Variants in TMEM26 observed in about 807,000 individuals in gnomAD.
The protein encoded by TMEM26 is transmembrane protein 26.
Under a neutral mutation model 28.8 loss-of-function variants are expected in TMEM26, and 38 were observed. The observed-to-expected ratio is 1.32, with a 90% CI of 1.02 to 1.73. TMEM26 has a LOEUF of 1.73. Among genes scored for constraint, TMEM26 ranks in the 40% most tolerant of loss-of-function variants. The pLI is 0.00. For missense variants in TMEM26, 518 were observed against 447.1 expected (o/e 1.16, Z -1.43); for synonymous variants, 227 against 182.9 (o/e 1.24, Z -1.95).
intron 4 of TMEM26, among the ~76,000 whole-genome samples, chr10:61,419,420 G>A (rs572499592): frequency 6.6e-6 from 1 of 152,012 alleles, no homozygotes; most frequent in African/African-American, 2.4e-5. Context: ...AAGTTTGATT[G>A]GTTAAAGAAA....
rs139738789 is a variant in TMEM26, at chr10:61,422,654, C to T, written c.605+6272G>A. Among the ~76,000 whole-genome samples, 9 of 151,970 alleles carry T rather than the reference C, an allele frequency of 5.9e-5. No homozygotes were observed. The East Asian group carries it at 1.7e-3, about 29-fold the overall frequency. On this transcript the variant is annotated intron_variant, in intron 4 of 5. Coordinates refer to ENST00000399298, the MANE Select transcript of TMEM26 (RefSeq NM_178505.8). ...ATTTCTGGGTGCAGGCAAAGCAGTG[C>T]TTACAGGAAAATTCACACTTCAGAT...
chr10:61,443,839 T>C (rs1247662365), intron 1 of TMEM26, among the ~76,000 whole-genome samples: 3 of 152,230 alleles, frequency 2.0e-5, no homozygotes, highest in Non-Finnish European at 2.9e-5. Flanking sequence ...CAATTGAAGT[T>C]GTTCACAAAC....
intron 1 of TMEM26, among the ~76,000 whole-genome samples, chr10:61,448,730 G>T (rs1350442695): frequency 6.6e-6 from 1 of 151,788 alleles, no homozygotes; most frequent in African/African-American, 2.4e-5. Context: ...AAAGTAAAAG[G>T]AAATGAGAGA....
At chr10:61,412,721 C>A (rs981771081) in intron 5 of TMEM26, among the ~76,000 whole-genome samples, 6 of 152,062 alleles carry the variant, frequency 3.9e-5, no homozygotes, top group Non-Finnish European at 7.4e-5. Flanking sequence ...GGCAACTGAG[C>A]ACTTGAAAGG....
Position 61,436,170 on chromosome 10 carries a change from C to A in TMEM26, c.270G>T (p.Gln90His). The A allele has an allele frequency of 6.3e-7, 1 of 1,590,392 alleles. No individual in the cohort carries two copies. The highest frequency in any genetic ancestry group is 1.1e-5 in the South Asian group (1 of 89,070). ...ATTCCTACTTTCCAAAAAGAAGTAC[C>A]TGGGTCTCATGGTGCAATTCAAGAA... ...LWLLELHHET[Q>H]YCSIQAEGTS... The change falls in exon 2 of 6, where the codon CAG (glutamine) becomes CAT (histidine). Residue 90 changes from glutamine to histidine, a missense_variant and splice_region_variant. By Grantham distance (24) the Gln-to-His change is conservative. Coordinates refer to ENST00000399298, the MANE Select transcript of TMEM26 (RefSeq NM_178505.8).
At chr10:61,440,718 T>TA (rs1170127756) in intron 1 of TMEM26, among the ~76,000 whole-genome samples, 3 of 152,188 alleles carry the variant, frequency 2.0e-5, no homozygotes, top group Non-Finnish European at 4.4e-5. Flanking sequence ...TCAATATTTA[T>TA]AATTACATAT....
intron 1 of TMEM26, among the ~76,000 whole-genome samples, chr10:61,439,135 T>A (rs1426021495): frequency 6.6e-6 from 1 of 152,238 alleles, no homozygotes; most frequent in Non-Finnish European, 1.5e-5. Flanking sequence ...TATTTTGGAA[T>A]GTTCTTCTCT....
rs549538451 is a variant in TMEM26 at position 61,439,017 on chromosome 10, G to A, written c.192-2769C>T. Among the ~76,000 whole-genome samples, 21 of 152,244 alleles carry A rather than the reference G, an allele frequency of 1.4e-4. 1 individual carries two copies. Among genetic ancestry groups the A allele is most frequent in the Admixed American group, 3.9e-4 (6 of 15,286 alleles). ...TCCTCAGCCTTGTTTAACTAACCAC[G>A]TGTCTCTGGTAAGAACAAAGTGCTC... On this transcript the variant is annotated intron_variant, in intron 1 of 5. Transcript: ENST00000399298.
chr10:61,445,050 T>C (rs773393097), intron 1 of TMEM26, among the ~76,000 whole-genome samples: 2 of 152,222 alleles, frequency 1.3e-5, no homozygotes, highest in Non-Finnish European at 2.9e-5. Flanking sequence ...TGCATTAGCG[T>C]ACTCACCCTA....
chr10:61,428,790 A>G, intron 4 of TMEM26, 136 bp downstream of exon 4: 1 of 737,098 alleles, frequency 1.4e-6, no homozygotes, highest in Non-Finnish European at 2.2e-6. Context: ...AACAGCAGCA[A>G]ATTCTCTGAT....
intron 1 of TMEM26, among the ~76,000 whole-genome samples, chr10:61,444,683 C>T (rs1840151337): frequency 1.3e-5 from 2 of 148,288 alleles, no homozygotes; most frequent in African/African-American, 5.0e-5. Context: ...ACCAACAGAA[C>T]TTTGACCCTT....
At chr10:61,442,958 A>G (rs750980917) in intron 1 of TMEM26, among the ~76,000 whole-genome samples, 6 of 152,168 alleles carry the variant, frequency 3.9e-5, no homozygotes, top group Non-Finnish European at 5.9e-5. Context: ...AAAGCCTCTG[A>G]ATGCCTGGGA....
At chr10:61,428,037 G>A (rs765962155) in intron 4 of TMEM26, among the ~76,000 whole-genome samples, 8 of 152,038 alleles carry the variant, frequency 5.3e-5, no homozygotes, top group Admixed American at 1.3e-4. Context: ...GGTAGCTCAT[G>A]TTTATAAATA....
chr10:61,442,602 C>T (rs192485102), intron 1 of TMEM26, among the ~76,000 whole-genome samples: 51 of 152,252 alleles, frequency 3.3e-4, no homozygotes, highest in Non-Finnish European at 6.2e-4. Flanking sequence ...TGTAAGAATA[C>T]TAGACCCAAG....
At chr10:61,436,066 A>G (rs2135319904) in intron 2 of TMEM26, 104 bp downstream of exon 2, 1 of 559,382 alleles carries the variant, frequency 1.8e-6, no homozygotes. Context: ...AATTCTTGCT[A>G]ACTCCAGTAC....
rs1451422576 is a variant in TMEM26 at position 61,446,511 on chromosome 10, T to G, written c.191+6380A>C. Among the ~76,000 whole-genome samples, 6 of 152,130 alleles carry G rather than the reference T, an allele frequency of 3.9e-5. No individual in the cohort carries two copies. In the East Asian group the frequency reaches 1.2e-3, roughly 29 times the overall value. On this transcript the variant is annotated intron_variant, in intron 1 of 5. Coordinates refer to ENST00000399298, the MANE Select transcript of TMEM26 (RefSeq NM_178505.8). Reference sequence around the variant, plus strand: ...CTGTAGTCTATTAAGTGTGCAATAGTATTATGTCTTAAAAAATGTATATAC... The same window carrying G: ...CTGTAGTCTATTAAGTGTGCAATAGGATTATGTCTTAAAAAATGTATATAC...
Position 61,409,541 on chromosome 10 carries a change from T to A in TMEM26, c.*781A>T, listed in dbSNP as rs1258277427. Reference sequence around the variant, plus strand: ...CAATATAGAAAATGGTAAAGCAGGGTTCAGAAAAATACTGATGAACACTGC... The same window carrying A: ...CAATATAGAAAATGGTAAAGCAGGGATCAGAAAAATACTGATGAACACTGC... On this transcript the variant is annotated 3_prime_UTR_variant, in exon 6 of 6. Coordinates refer to ENST00000399298, the MANE Select transcript of TMEM26 (RefSeq NM_178505.8). 3 of 152,198 alleles carry A rather than the reference T, an allele frequency of 2.0e-5. No individual in the cohort carries two copies. The highest frequency in any genetic ancestry group is 7.2e-5 in the African/African-American group (3 of 41,440). The allele number at this position is 152,198 out of a possible 1,614,324, so 9.4% of individuals were successfully genotyped here. A position where few individuals can be genotyped will look rare whatever the true frequency, so the allele number is the denominator to read the frequency against.
chr10:61,413,391 G>A, intron 5 of TMEM26, 68 bp downstream of exon 5: 5 of 1,580,156 alleles, frequency 3.2e-6, no homozygotes, highest in Non-Finnish European at 3.4e-6. Context: ...TGCCTTCTTA[G>A]TTTTAGCATA....
intron 1 of TMEM26, among the ~76,000 whole-genome samples, chr10:61,452,408 C>A (rs530543092): frequency 6.6e-6 from 1 of 152,362 alleles, no homozygotes; most frequent in African/African-American, 2.4e-5. Context: ...CAGCGAGGGT[C>A]TTCTCGTCTT....
Sources: allele counts gnomAD v4.1 joint callset (sites outside exome capture counted in the v4.1 genomes callset), GRCh38; gene constraint gnomAD v4.1.1; transcripts MANE v1.5; gene names NCBI Gene and HGNC (gene_info 2026-07-23, HGNC 2026-07-21).